Variants in OSBPL10 observed in about 807,000 individuals in gnomAD.
The protein encoded by OSBPL10 is oxysterol-binding protein-related protein 10.
A neutral mutation model predicts 81.7 loss-of-function variants in OSBPL10; 49 were observed. That is an observed-to-expected ratio of 0.60 (90% CI 0.48 to 0.76). The LOEUF (loss-of-function observed/expected upper bound fraction) is 0.76. OSBPL10 is among the 30% of genes least tolerant of loss of function. OSBPL10 has a pLI of 0.00. For synonymous variants in OSBPL10, 419 were observed against 383.6 expected (o/e 1.09, Z -1.08); for missense variants, 923 against 987.8 (o/e 0.93, Z 0.88).
intron 1 of OSBPL10, among the ~76,000 whole-genome samples, chr3:31,890,052 T>C (rs907817698): frequency 2.6e-5 from 4 of 151,974 alleles, no homozygotes; most frequent in Non-Finnish European, 5.9e-5. Context: ...ACCTAGAGGA[T>C]CTTTGTGAAG....
chr3:32,012,322 A>G (rs1468509524), intron 2 of OSBPL10, among the ~76,000 whole-genome samples: 1 of 152,226 alleles, frequency 6.6e-6, no homozygotes, highest in Non-Finnish European at 1.5e-5. Flanking sequence ...TCAACCCAGA[A>G]TTTCATATCC....
In OSBPL10 at chr3:31,733,302, T is replaced by C. The variant is rs148496417; in HGVS notation, c.1050A>G (p.Leu350=). Residue 350 remains leucine, a synonymous_variant, in exon 6 of 12, where the codon TTA becomes TTG. Coordinates refer to ENST00000396556, the MANE Select transcript of OSBPL10 (RefSeq NM_017784.5). ...SASANITWAI[L]PNSAEDEQTS... is the part of the protein sequence containing the mutation. Reference sequence around the variant, plus strand: ...TTTGTTCGTCTTCAGCAGAGTTTGGTAAAATTGCCCAGGTTATGTTGGCAC... The same window carrying C: ...TTTGTTCGTCTTCAGCAGAGTTTGGCAAAATTGCCCAGGTTATGTTGGCAC... 5.0e-5 allele frequency: 81 copies of C among 1,613,116 alleles called. No homozygotes were observed. In the African/African-American group the frequency reaches 7.2e-4, roughly 14 times the overall value.
intron 3 of OSBPL10, among the ~76,000 whole-genome samples, chr3:31,875,495 C>T (rs72851820): frequency 0.24 from 35,880 of 148,588 alleles, 4,401 homozygotes; most frequent in African/African-American, 0.28. Flanking sequence ...GCAAGTTAAG[C>T]GAGGCATTAC....
rs1700819599 is a variant in OSBPL10, at chr3:31,853,432, A to G, written c.537+23001T>C. 3.9e-5 allele frequency among the ~76,000 whole-genome samples: 6 copies of G among 152,328 alleles called. No individual in the cohort carries two copies. The South Asian group carries it at 1.2e-3, about 32-fold the overall frequency. ...AGATGATGGAGGTAAAGTCTATGGT[A>G]GAGAAACAGGATCATCTAATTTGTA... On this transcript the variant is annotated intron_variant, in intron 3 of 11. Coordinates refer to ENST00000396556, the MANE Select transcript of OSBPL10 (RefSeq NM_017784.5).
chr3:31,704,164 G>A (rs1351076341), intron 6 of OSBPL10: 2 of 152,386 alleles, frequency 1.3e-5, no homozygotes, highest in Non-Finnish European at 2.9e-5. Flanking sequence ...AATGGCTAAT[G>A]CTGAGATTAG....
intron 1 of OSBPL10, among the ~76,000 whole-genome samples, chr3:31,926,773 G>A (rs1239802241): frequency 6.6e-6 from 1 of 152,162 alleles, no homozygotes; most frequent in Non-Finnish European, 1.5e-5. Flanking sequence ...CTATGCAGCA[G>A]AAGTAGTAAC....
At chr3:31,867,223 G>T (rs552256639) in intron 3 of OSBPL10, among the ~76,000 whole-genome samples, 1 of 152,142 alleles carries the variant, frequency 6.6e-6, no homozygotes. Context: ...ATTAGTAAGC[G>T]CCAGGAGAGA....
chr3:31,766,337 G>GTTTTTTTTT (rs1259127969), intron 4 of OSBPL10, among the ~76,000 whole-genome samples: 3 of 26,780 alleles, frequency 1.1e-4, no homozygotes, highest in African/African-American at 1.7e-4. Context: ...TTGTTTTTTT[G>GTTTTTTTTT]TTTTTTTTTG....
intron 3 of OSBPL10, among the ~76,000 whole-genome samples, chr3:31,834,625 A>C (rs1034223412): frequency 3.3e-5 from 5 of 152,258 alleles, no homozygotes; most frequent in African/African-American, 1.2e-4. Flanking sequence ...TATGCTTTGA[A>C]TCTACTGGCC....
At chr3:31,884,913 GA>G (rs989684671) in intron 1 of OSBPL10, among the ~76,000 whole-genome samples, 4 of 150,860 alleles carry the variant, frequency 2.7e-5, no homozygotes, top group South Asian at 2.1e-4. Context: ...AATAAAAGAG[GA>G]AAAAAAAATC....
chr3:31,764,914 G>A lies in OSBPL10; in HGVS notation c.730-16794C>T, dbSNP rs573349407. 3.9e-5 allele frequency among the ~76,000 whole-genome samples: 6 copies of A among 152,236 alleles called. No homozygotes were observed. The South Asian group carries it at 8.3e-4, about 21-fold the overall frequency. On this transcript the variant is annotated intron_variant, in intron 4 of 11. Transcript: ENST00000396556. ...CAATTTTTATTCCTTCTTCGACCCC[G>A]GCTTACAGGTTGTTTTCACCAGATA...
intron 4 of OSBPL10, among the ~76,000 whole-genome samples, chr3:31,753,343 G>A (rs980249390): frequency 3.9e-5 from 6 of 151,960 alleles, no homozygotes; most frequent in Non-Finnish European, 8.8e-5. Context: ...GCACCACCAC[G>A]CCCGGCTAAT....
intron 1 of OSBPL10, among the ~76,000 whole-genome samples, chr3:31,902,217 C>A (rs893720950): frequency 6.6e-6 from 1 of 151,494 alleles, no homozygotes; most frequent in African/African-American, 2.4e-5. Context: ...TAAAGATGGA[C>A]CTGGCACATA....
At chr3:31,696,688 C>A (rs1479238183) in intron 7 of OSBPL10, among the ~76,000 whole-genome samples, 1 of 152,218 alleles carries the variant, frequency 6.6e-6, no homozygotes. Flanking sequence ...CCTGACCCCT[C>A]CATGTTGGAA....
chr3:31,829,995 C>T, intron 4 of OSBPL10, 45 bp downstream of exon 4: 1 of 1,550,282 alleles, frequency 6.5e-7, no homozygotes, highest in Non-Finnish European at 8.7e-7. Flanking sequence ...GTCACAGCCC[C>T]CAACTCCCCG....
At chr3:31,771,925 G>A (rs973233188) in intron 4 of OSBPL10, among the ~76,000 whole-genome samples, 5 of 152,182 alleles carry the variant, frequency 3.3e-5, no homozygotes, top group Admixed American at 6.5e-5. Context: ...AGTTTGGTCC[G>A]GGAACACTAT....
chr3:31,808,316 C>G (rs1699572726), intron 4 of OSBPL10, among the ~76,000 whole-genome samples: 1 of 152,232 alleles, frequency 6.6e-6, no homozygotes, highest in East Asian at 1.9e-4. Context: ...GAGGTGATGG[C>G]CAGGAAAGGC....
chr3:31,740,483 G>A (rs915528446), intron 5 of OSBPL10, among the ~76,000 whole-genome samples: 40 of 152,006 alleles, frequency 2.6e-4, no homozygotes, highest in African/African-American at 9.4e-4. Context: ...CTACATAATA[G>A]CAAAAATTGG....
intron 6 of OSBPL10, chr3:31,708,931 T>C: frequency 1.0e-6 from 1 of 985,466 alleles, no homozygotes; most frequent in Non-Finnish European, 1.2e-6. Flanking sequence ...CCCTTGGCCC[T>C]GCTGCAGGGC....
Sources: allele counts gnomAD v4.1 joint callset (sites outside exome capture counted in the v4.1 genomes callset), GRCh38; gene constraint gnomAD v4.1.1; transcripts MANE v1.5; gene names NCBI Gene and HGNC (gene_info 2026-07-23, HGNC 2026-07-21).